The following NCK2 variants were observed in gnomAD, a reference collection of about 807,000 sequenced individuals.
NCK2 encodes the protein cytoplasmic protein NCK2.
Under a neutral mutation model 33.9 loss-of-function variants are expected in NCK2, and 16 were observed. The observed-to-expected ratio is 0.47, with a 90% CI of 0.32 to 0.72. NCK2 has a LOEUF of 0.72. Ranked by LOEUF, NCK2 falls within the 30% of genes least tolerant of loss-of-function variation. The probability of loss-of-function intolerance (pLI) is 0.03; values close to 1 mark genes in which losing one functional copy is unlikely to be tolerated. For synonymous variants in NCK2, 273 were observed against 239.9 expected, an observed-to-expected ratio of 1.14 and a Z score of -1.27; for missense variants, 418 against 537.3, an observed-to-expected ratio of 0.78 and a Z score of 2.19.
At chr2:105,835,440 C>T in intron 2 of NCK2, among the ~76,000 whole-genome samples, 2 of 21,516 alleles carry the variant, frequency 9.3e-5, no homozygotes, top group Non-Finnish European at 2.1e-4. Flanking sequence ...TTTTGGTCAG[C>T]ATTTTGAATA....
chr2:105,883,511 A>G (rs1261773734), intron 4 of NCK2, among the ~76,000 whole-genome samples: 1 of 152,194 alleles, frequency 6.6e-6, no homozygotes, highest in Non-Finnish European at 1.5e-5. Flanking sequence ...GGTCCCAGTC[A>G]TTATTCTTTC....
intron 1 of NCK2, among the ~76,000 whole-genome samples, chr2:105,769,675 C>T (rs1327513505): frequency 2.0e-5 from 3 of 152,166 alleles, no homozygotes; most frequent in African/African-American, 4.8e-5. Context: ...CCAAGAAGGG[C>T]CAGGGGTCCA....
intron 2 of NCK2, among the ~76,000 whole-genome samples, chr2:105,826,585 C>T (rs1008303640): frequency 2.6e-5 from 4 of 152,108 alleles, no homozygotes; most frequent in African/African-American, 9.7e-5. Context: ...GCAAGAATTT[C>T]TTATTCCCAA....
At position 105,758,413 on chromosome 2, in the gene NCK2, G is replaced by GTTT. The variant is rs574939583; in HGVS notation, c.-201+13288_-201+13290dup. ...GTAGATGTTTGTTTTTGTTGTTTTT[G>GTTT]TTTTTTTTTTTTTTTGAGACAGAGT... On this transcript the variant is annotated intron_variant, in intron 1 of 4. Transcript: ENST00000233154. Among the ~76,000 whole-genome samples, 646 of 132,516 alleles carry GTTT rather than the reference G, an allele frequency of 4.9e-3. 11 individuals are homozygous for GTTT. The highest frequency in any genetic ancestry group is 0.01 in the African/African-American group (361 of 35,688). The allele number at this position is 132,516 out of a possible 152,430, so 86.9% of individuals were successfully genotyped here.
At chr2:105,859,805 T>C (rs569406187) in intron 3 of NCK2, among the ~76,000 whole-genome samples, 1 of 152,248 alleles carries the variant, frequency 6.6e-6, no homozygotes, top group East Asian at 1.9e-4. Context: ...TACAGTACTC[T>C]GGAGGGAGGG....
At chr2:105,790,038 T>C (rs867058768) in intron 1 of NCK2, among the ~76,000 whole-genome samples, 1 of 152,246 alleles carries the variant, frequency 6.6e-6, no homozygotes, top group South Asian at 2.1e-4. Flanking sequence ...AATTGGCTTG[T>C]CTTCAAAACA....
At chr2:105,891,752 G>T (rs1678996857) in intron 4 of NCK2, among the ~76,000 whole-genome samples, 2 of 151,928 alleles carry the variant, frequency 1.3e-5, no homozygotes, top group African/African-American at 2.4e-5. Flanking sequence ...TCACCATGTT[G>T]GCCAGGCTGG....
intron 2 of NCK2, among the ~76,000 whole-genome samples, chr2:105,842,056 A>G (rs1198836711): frequency 6.6e-6 from 1 of 152,082 alleles, no homozygotes; most frequent in African/African-American, 2.4e-5. Flanking sequence ...AGATGTGGTG[A>G]AGGGAAAGTA....
intron 1 of NCK2, among the ~76,000 whole-genome samples, chr2:105,807,139 T>G (rs1051625048): frequency 3.3e-5 from 5 of 152,200 alleles, no homozygotes; most frequent in Non-Finnish European, 5.9e-5. Flanking sequence ...GCCTGCTCCC[T>G]GGAGGACCCA....
At chr2:105,745,293 C>T (rs1213810905) in intron 1 of NCK2, among the ~76,000 whole-genome samples, 155 bp downstream of exon 1, 2 of 151,628 alleles carry the variant, frequency 1.3e-5, no homozygotes, top group East Asian at 1.9e-4. Context: ...TCGGCCCTGC[C>T]GCGGCCTGGG....
chr2:105,767,519 A>G (rs1359985333), intron 1 of NCK2, among the ~76,000 whole-genome samples: 1 of 152,172 alleles, frequency 6.6e-6, no homozygotes, highest in Non-Finnish European at 1.5e-5. Flanking sequence ...AATCCAGTTC[A>G]CCTGTTTGGG....
chr2:105,864,628 T>C (rs1677676535), intron 3 of NCK2, among the ~76,000 whole-genome samples: 1 of 152,034 alleles, frequency 6.6e-6, no homozygotes, highest in Admixed American at 6.5e-5. Context: ...CATTTTCAGA[T>C]GTGTAAAGAT....
intron 2 of NCK2, among the ~76,000 whole-genome samples, chr2:105,837,154 G>C (rs1171106767): frequency 6.6e-6 from 1 of 152,088 alleles, no homozygotes; most frequent in African/African-American, 2.4e-5. Flanking sequence ...GAATTCCAGT[G>C]TTCTCCCTTG....
chr2:105,767,935 G>A (rs1336478231), intron 1 of NCK2, among the ~76,000 whole-genome samples: 2 of 152,068 alleles, frequency 1.3e-5, no homozygotes, highest in African/African-American at 2.4e-5. Flanking sequence ...TCCTTAAGTA[G>A]TTGCTGTCTT....
chr2:105,750,315 AC>A (rs1689418174), intron 1 of NCK2, among the ~76,000 whole-genome samples: 1 of 152,012 alleles, frequency 6.6e-6, no homozygotes, highest in Non-Finnish European at 1.5e-5. Flanking sequence ...CCTTATGGTG[AC>A]CTTTTTTAAC....
chr2:105,886,604 A>G (rs1638609745), intron 4 of NCK2, among the ~76,000 whole-genome samples: 1 of 152,194 alleles, frequency 6.6e-6, no homozygotes, highest in Non-Finnish European at 1.5e-5. Flanking sequence ...TATGCACTTG[A>G]TTCAAGCCCT....
rs148839655 is a variant in NCK2 at position 105,861,903 on chromosome 2, TCCTCCCTCCCTC to T, written c.226+6636_226+6647del. On this transcript the variant is annotated intron_variant, in intron 3 of 4. Coordinates refer to ENST00000233154, the MANE Select transcript of NCK2 (RefSeq NM_003581.5). ...AAGATCAGACTGGCCTGGAATTCTT[TCCTCCCTCCCTC>T]CCTCCCTCCCTCCCTCCCTCCTGCC... Among the ~76,000 whole-genome samples the T allele has an allele frequency of 7.5e-3, 865 of 114,880 alleles. 28 individuals are homozygous for T. The highest frequency in any genetic ancestry group is 0.034 in the African/African-American group (824 of 24,394). The allele number at this position is 114,880 out of a possible 152,430, so 75.4% of individuals were successfully genotyped here. A position where few individuals can be genotyped will look rare whatever the true frequency, so the allele number is the denominator to read the frequency against.
At chr2:105,861,571 G>A (rs533760112) in intron 3 of NCK2, among the ~76,000 whole-genome samples, 9 of 146,268 alleles carry the variant, frequency 6.2e-5, no homozygotes, top group Non-Finnish European at 8.9e-5. Flanking sequence ...CTGGAGTGCA[G>A]TGGCACAATC....
chr2:105,755,432 A>G (rs1558822186), intron 1 of NCK2, among the ~76,000 whole-genome samples: 1 of 152,160 alleles, frequency 6.6e-6, no homozygotes, highest in East Asian at 1.9e-4. Flanking sequence ...CGAGCACCTC[A>G]TCCCTCAGCC....
Sources: gnomAD v4.1 joint callset for allele counts (sites outside exome capture counted in the v4.1 genomes callset) on GRCh38, gnomAD v4.1.1 for gene constraint, MANE v1.5 for transcripts, NCBI Gene and HGNC (gene_info 2026-07-23, HGNC 2026-07-21) for gene names.